The following ZNF512B variants were observed in gnomAD, a reference collection of about 807,000 sequenced individuals.
ZNF512B encodes zinc finger protein 512B.
Under a neutral mutation model 87.8 loss-of-function variants are expected in ZNF512B, and 22 were observed. That is an observed-to-expected ratio of 0.25 (90% CI 0.18 to 0.36). ZNF512B has a LOEUF of 0.36. Ranked by LOEUF, ZNF512B falls within the 10% of genes least tolerant of loss-of-function variation. The pLI, the probability that ZNF512B is intolerant of heterozygous loss-of-function variation, is 1.00. For synonymous variants in ZNF512B, 524 were observed against 490.9 expected (o/e 1.07, Z -0.89); for missense variants, 1,060 against 1,231.6 (o/e 0.86, Z 2.09).
Position 63,959,664 on chromosome 20 carries a change from G to C in ZNF512B, c.*224C>G. 1 of 605,740 alleles carries C rather than the reference G, an allele frequency of 1.7e-6. No homozygotes were observed. The highest frequency in any genetic ancestry group is 2.6e-5 in the South Asian group (1 of 37,978). 37.5% of individuals were successfully genotyped at this position (605,740 alleles called of 1,614,324 possible). On this transcript the variant is annotated 3_prime_UTR_variant, in exon 17 of 17. Coordinates refer to ENST00000369888, the MANE Select transcript of ZNF512B (RefSeq NM_020713.3). Reference sequence around the variant, plus strand: ...CAACCCTCCTGGCTATTGCACTTCTGCTGGGCACACCTTGGGGAGCCCCAA... The same window carrying C: ...CAACCCTCCTGGCTATTGCACTTCTCCTGGGCACACCTTGGGGAGCCCCAA...
At chr20:63,960,895 T>C (rs1365297647) in intron 16 of ZNF512B, among the ~76,000 whole-genome samples, 1 of 143,972 alleles carries the variant, frequency 6.9e-6, no homozygotes, top group Non-Finnish European at 1.5e-5. Context: ...AGCAGGGGGC[T>C]GGACACAGCC....
rs118020390 is a variant in ZNF512B, at chr20:63,967,182, C to T, written c.265-178G>A. On this transcript the variant is annotated intron_variant, in intron 3 of 16. Transcript: ENST00000369888. ...GCAGGGGCCATGCACAAGACCCGTT[C>T]TAGGAGCCCACCAACGCGATCCCCC... 7.9e-3 allele frequency among the ~76,000 whole-genome samples: 1,209 copies of T among 152,322 alleles called. 8 individuals carry two copies. The highest frequency in any genetic ancestry group is 0.013 in the Non-Finnish European group (857 of 68,030).
rs542576357 is a variant in ZNF512B at position 63,968,211 on chromosome 20, C to G, written c.-2-259G>C. On this transcript the variant is annotated intron_variant, in intron 1 of 16. Transcript: ENST00000369888. ...ATCTAGTCCTGTCCTGAGACCCTCA[C>G]CAACTTCCAGACCCCCTTCCCAACA... Among the ~76,000 whole-genome samples, 3 of 152,310 alleles carry G rather than the reference C, an allele frequency of 2.0e-5. No individual in the cohort carries two copies. The East Asian group carries it at 5.8e-4, about 29-fold the overall frequency.
At chr20:63,962,447 G>A (rs564549946) in intron 13 of ZNF512B, 73 bp from the exon 14 acceptor site, 44 of 1,552,032 alleles carry the variant, frequency 2.8e-5, no homozygotes, top group African/African-American at 6.8e-5. Context: ...CACTCGCCTC[G>A]GCAGCAGGCG....
Position 63,963,834 on chromosome 20 carries a change from C to G in ZNF512B, c.1560G>C (p.Arg520=). The G allele has an allele frequency of 6.2e-7, 1 of 1,612,906 alleles. No homozygotes were observed. Among genetic ancestry groups the G allele is most frequent in the Non-Finnish European group, 8.5e-7 (1 of 1,180,014 alleles). The change falls in exon 9 of 17, where the codon CGG becomes CGC. Residue 520 remains arginine, a synonymous_variant. Coordinates refer to ENST00000369888, the MANE Select transcript of ZNF512B (RefSeq NM_020713.3). ...GCTTCTTAAGCCCCACGAGAGTCTTCCGGGTGACCACGTTGCAGGTGGGGC... is the reference window on the plus strand; with the variant it reads ...GCTTCTTAAGCCCCACGAGAGTCTTGCGGGTGACCACGTTGCAGGTGGGGC... The part of the protein sequence containing the change: ...AVCPTCNVVT[R]KTLVGLKKHM...
intron 16 of ZNF512B, among the ~76,000 whole-genome samples, chr20:63,960,510 A>G: frequency 8.4e-6 from 1 of 118,716 alleles, no homozygotes; most frequent in Non-Finnish European, 1.7e-5. Context: ...CACCTGCCGC[A>G]GGGCTGGACA....
rs768074875 is a variant in ZNF512B, at chr20:63,959,846, C to T, written c.*42G>A. On this transcript the variant is annotated 3_prime_UTR_variant, in exon 17 of 17. Transcript: ENST00000369888. ...AGCTGGCCCTGCCTTGAACAGAGGGCGGTGTGGCGGCTGCATGGGGGCCAG... is the reference window on the plus strand; with the variant it reads ...AGCTGGCCCTGCCTTGAACAGAGGGTGGTGTGGCGGCTGCATGGGGGCCAG... 5.3e-6 allele frequency: 8 copies of T among 1,521,684 alleles called. No homozygotes were observed. Among genetic ancestry groups the T allele is most frequent in the South Asian group, 2.6e-5 (2 of 76,708 alleles). The allele number at this position is 1,521,684 out of a possible 1,614,324, so 94.3% of individuals were successfully genotyped here. A position where few individuals can be genotyped will look rare whatever the true frequency, so the allele number is the denominator to read the frequency against.
chr20:63,966,465 G>T lies in ZNF512B; in HGVS notation c.710C>A (p.Thr237Asn). Residue 237 changes from threonine to asparagine, a missense_variant, in exon 5 of 17, where the codon ACC (threonine) becomes AAC (asparagine). This residue lies in a region of ZNF512B where 201 missense variants were observed against 226.8 expected (regional missense o/e 0.89). Coordinates refer to ENST00000369888, the MANE Select transcript of ZNF512B (RefSeq NM_020713.3). Reference protein sequence around the residue: ...AIPVTRPVPVTKPVTVSRPMP... With the variant: ...AIPVTRPVPVNKPVTVSRPMP... ...GGGCCTGCTGACTGTGACAGGTTTG[G>T]TGACTGGCACGGGCCTAGTGACCGG... 2.5e-6 allele frequency: 4 copies of T among 1,614,002 alleles called. 1 individual carries two copies. In the South Asian group the frequency reaches 4.4e-5, roughly 18 times the overall value.
chr20:63,963,736 C>T, intron 9 of ZNF512B, 26 bp from the exon 10 acceptor site: 2 of 1,613,134 alleles, frequency 1.2e-6, no homozygotes, highest in Non-Finnish European at 1.7e-6. Flanking sequence ...ATGTGAGAAG[C>T]CTGCCTGGGG....
At chr20:63,960,734 G>C (rs1158869532) in intron 16 of ZNF512B, among the ~76,000 whole-genome samples, 2 of 129,810 alleles carry the variant, frequency 1.5e-5, no homozygotes, top group African/African-American at 6.0e-5. Context: ...GCTGGACACA[G>C]CCTTCGGGAC....
intron 7 of ZNF512B, 48 bp downstream of exon 7, chr20:63,964,272 C>A: frequency 6.2e-7 from 1 of 1,612,770 alleles, no homozygotes; most frequent in African/African-American, 1.3e-5. Flanking sequence ...GGCTGTCACT[C>A]GGTGGACAGC....
intron 13 of ZNF512B, 72 bp from the exon 14 acceptor site, chr20:63,962,446 C>T (rs1433441805): frequency 5.8e-6 from 9 of 1,551,830 alleles, no homozygotes; most frequent in East Asian, 2.3e-5. Context: ...ACACTCGCCT[C>T]GGCAGCAGGC....
intron 1 of ZNF512B, chr20:63,969,156 C>A: frequency 3.0e-6 from 3 of 985,472 alleles, no homozygotes; most frequent in Non-Finnish European, 3.6e-6. Flanking sequence ...GAGACAGGGC[C>A]GGCATGAGTC....
intron 2 of ZNF512B, 115 bp from the exon 3 acceptor site, chr20:63,967,638 G>A: frequency 6.7e-7 from 1 of 1,483,966 alleles, no homozygotes; most frequent in South Asian, 1.3e-5. Flanking sequence ...GGGGGCAGGG[G>A]CTGCGGCCAG....
At position 63,961,383 on chromosome 20, in the gene ZNF512B, G is replaced by A. The variant is rs149002469; in HGVS notation, c.2353C>T (p.Arg785Cys). 76 of 1,612,322 alleles carry A rather than the reference G, an allele frequency of 4.7e-5. No individual in the cohort carries two copies. In the African/African-American group the frequency reaches 8.3e-4, roughly 18 times the overall value. Residue 785 changes from arginine to cysteine, a missense_variant, in exon 16 of 17, where the codon CGC (arginine) becomes TGC (cysteine). Transcript: ENST00000369888. This position sits in a 1 kb window ranked among gnomAD's most constrained non-coding sequence, Gnocchi z 6.4. The part of the protein sequence containing the change: ...SKGAHLAGKY[R>C]CLLCPKEFSS... ...AACTCCTTCGGACACAGCAGACAGC[G>A]GTACTTCCCTGCCAGGTGGGCCCCC...
At chr20:63,965,045 C>T (rs1343096901) in intron 5 of ZNF512B, among the ~76,000 whole-genome samples, 7 of 23,546 alleles carry the variant, frequency 3.0e-4, no homozygotes, top group Non-Finnish European at 8.2e-5. Context: ...CCTTTTCTCA[C>T]CACTGTTCCT....
chr20:63,960,006 T>G lies in ZNF512B; in HGVS notation c.2561A>C (p.Glu854Ala), dbSNP rs770827116. 1 of 1,613,438 alleles carries G rather than the reference T, an allele frequency of 6.2e-7. No individual in the cohort carries two copies. The highest frequency in any genetic ancestry group is 1.1e-5 in the South Asian group (1 of 91,092). Residue 854 changes from glutamate (E) to alanine (A), a missense_variant, in exon 17 of 17, where the codon GAG (glutamate) becomes GCG (alanine). Physicochemically the swap from Glu to Ala is moderately radical, Grantham distance 107. This residue lies in a region of ZNF512B where 253 missense variants were observed against 259.2 expected (regional missense o/e 0.98). Coordinates refer to ENST00000369888, the MANE Select transcript of ZNF512B (RefSeq NM_020713.3). ...RGRKPKERTP[E>A]EPVAKLPPRR... ...CGGGGGCAGCTTGGCCACAGGCTCC[T>G]CTGGGGTCCGCTCCTTGGGCTTTCG...
Position 63,963,706 on chromosome 20 carries a change from T to C in ZNF512B, c.1610A>G (p.Gln537Arg), listed in dbSNP as rs902828902. The change falls in exon 10 of 17, where the codon CAG (glutamine) becomes CGG (arginine). Residue 537 changes from glutamine to arginine, a missense_variant. Transcript: ENST00000369888. ...KKHMEVCQKL[Q>R]DALKCQHCRK... is the part of the protein sequence containing the mutation. ...GCAGTGCTGGCACTTGAGTGCATCC[T>C]GAAGCTGCAGATGGCCCACATGTGA... The C allele has an allele frequency of 1.9e-6, 3 of 1,613,270 alleles. No individual in the cohort carries two copies. Among genetic ancestry groups the C allele is most frequent in the Non-Finnish European group, 2.5e-6 (3 of 1,180,028 alleles).
intron 1 of ZNF512B, chr20:63,969,294 G>A (rs2058956957): frequency 1.7e-6 from 1 of 576,800 alleles, no homozygotes; most frequent in Admixed American, 6.3e-5. Context: ...AGCCTGGGAG[G>A]CAGAGACGCG....
Sources: gnomAD v4.1 joint callset for allele counts (sites outside exome capture counted in the v4.1 genomes callset) on GRCh38, gnomAD v4.1.1 for gene constraint, gnomAD v4.1.1 regional missense constraint, Gnocchi (gnomAD v3.1) non-coding constraint, MANE v1.5 for transcripts, NCBI Gene and HGNC (gene_info 2026-07-23, HGNC 2026-07-21) for gene names.